Variants in TRA2B observed in about 807,000 individuals in gnomAD.
TRA2B encodes transformer 2 beta homolog, also known as transformer-2 protein homolog beta.
Under a neutral mutation model 41.7 loss-of-function variants are expected in TRA2B, and 14 were observed. The observed-to-expected ratio is 0.34, with a 90% confidence interval of 0.22 to 0.53. The LOEUF (loss-of-function observed/expected upper bound fraction) is 0.53. Among genes scored for constraint, TRA2B ranks in the 20% least tolerant of loss-of-function variants. TRA2B has a pLI of 0.95. For missense variants in TRA2B, 167 were observed against 396.8 expected, an observed-to-expected ratio of 0.42 and a Z score of 4.92; for synonymous variants, 130 against 128.8, an observed-to-expected ratio of 1.01 and a Z score of -0.06.
intron 1 of TRA2B, chr3:185,937,531 A>G (rs1744412679): frequency 3.3e-6 from 3 of 920,400 alleles, no homozygotes; most frequent in African/African-American, 3.5e-5. Context: ...CTCCCCCAAC[A>G]CCGCGGGGAC....
Position 185,916,619 on chromosome 3 carries a change from A to G in TRA2B, c.*1096T>C, listed in dbSNP as rs1743509855. Reference sequence around the variant, plus strand: ...GAATACAGAAATTCATCCCCCCCTCAACCCAGCCCAAAATAGCAAAGATAC... The same window carrying G: ...GAATACAGAAATTCATCCCCCCCTCGACCCAGCCCAAAATAGCAAAGATAC... On this transcript the variant is annotated 3_prime_UTR_variant, in exon 9 of 9. Coordinates refer to ENST00000453386, the MANE Select transcript of TRA2B (RefSeq NM_004593.3). 1 of 152,488 alleles carries G rather than the reference A, an allele frequency of 6.6e-6. No homozygotes were observed. The highest frequency in any genetic ancestry group is 2.4e-5 in the African/African-American group (1 of 41,418). The allele number at this position is 152,488 out of a possible 1,614,324, so 9.4% of individuals were successfully genotyped here.
intron 6 of TRA2B, 36 bp from the exon 7 acceptor site, chr3:185,919,532 G>A: frequency 6.4e-7 from 1 of 1,557,298 alleles, no homozygotes; most frequent in Non-Finnish European, 8.7e-7. Context: ...CACGCATTCA[G>A]TTTGTAAGTT....
At position 185,925,459 on chromosome 3, in the gene TRA2B, C is replaced by T; in HGVS notation, c.333+5G>A. On this transcript the variant is annotated splice_donor_5th_base_variant and intron_variant, in intron 3 of 8. Coordinates refer to ENST00000453386, the MANE Select transcript of TRA2B (RefSeq NM_004593.3). ...GACTGCTTCAAAACCAGTTTTTCAT[C>T]TTACCCGATTCCCAACATGACGCCT... 1 of 1,610,362 alleles carries T rather than the reference C, an allele frequency of 6.2e-7. No homozygotes were observed. The highest frequency in any genetic ancestry group is 8.5e-7 in the Non-Finnish European group (1 of 1,178,924).
At chr3:185,918,474 A>G (rs1743589357) in intron 7 of TRA2B, 36 bp from the exon 8 acceptor site, 1 of 1,450,404 alleles carries the variant, frequency 6.9e-7, no homozygotes, top group Non-Finnish European at 9.7e-7. Flanking sequence ...AAGTCTCAAT[A>G]GATCACAATT....
chr3:185,919,560 T>G, intron 6 of TRA2B, 64 bp from the exon 7 acceptor site: 1 of 1,387,702 alleles, frequency 7.2e-7, no homozygotes, highest in Non-Finnish European at 1.0e-6. Flanking sequence ...ATTATGTCAT[T>G]CATTTAGTAA....
intron 7 of TRA2B, among the ~76,000 whole-genome samples, chr3:185,918,893 C>T (rs544461240): frequency 2.0e-5 from 3 of 152,100 alleles, no homozygotes; most frequent in Non-Finnish European, 4.4e-5. Flanking sequence ...GTAATCCCAG[C>T]TACTCGGGAT....
At position 185,919,506 on chromosome 3, in the gene TRA2B, C is replaced by T; in HGVS notation, c.723-10G>A. On this transcript the variant is annotated splice_polypyrimidine_tract_variant and intron_variant, in intron 6 of 8. Coordinates refer to ENST00000453386, the MANE Select transcript of TRA2B (RefSeq NM_004593.3). Reference sequence around the variant, plus strand: ...TCCTCCACCTCCTCCTCTGTGAAGACAGAAAGGCAACACAACACGCATTCA... The same window carrying T: ...TCCTCCACCTCCTCCTCTGTGAAGATAGAAAGGCAACACAACACGCATTCA... 2 of 1,609,222 alleles carry T rather than the reference C, an allele frequency of 1.2e-6. No individual in the cohort carries two copies. The highest frequency in any genetic ancestry group is 1.7e-6 in the Non-Finnish European group (2 of 1,178,560).
At chr3:185,934,326 G>A (rs1744264317) in intron 1 of TRA2B, 1 of 985,150 alleles carries the variant, frequency 1.0e-6, no homozygotes, top group Non-Finnish European at 1.2e-6. Flanking sequence ...GGATTTTATT[G>A]TAGAGAAAGG....
At chr3:185,929,956 T>C (rs964084199) in intron 1 of TRA2B, among the ~76,000 whole-genome samples, 1 of 152,016 alleles carries the variant, frequency 6.6e-6, no homozygotes, top group African/African-American at 2.4e-5. Flanking sequence ...ATTAAGGCAG[T>C]CTTTCACACA....
chr3:185,923,302 C>T (rs1326614943), intron 4 of TRA2B: 1 of 152,332 alleles, frequency 6.6e-6, no homozygotes, highest in Non-Finnish European at 1.5e-5. Flanking sequence ...TCAGTTCTTC[C>T]TCTTCTCTAT....
intron 2 of TRA2B, 125 bp downstream of exon 2, chr3:185,926,476 A>C: frequency 1.6e-6 from 2 of 1,256,502 alleles, no homozygotes; most frequent in Admixed American, 4.7e-5. Context: ...ACTTAAGTTC[A>C]CTTCTAGTAC....
chr3:185,917,932 A>G (rs573823235), intron 8 of TRA2B, among the ~76,000 whole-genome samples: 7 of 152,340 alleles, frequency 4.6e-5, no homozygotes, highest in East Asian at 3.9e-4. Context: ...TGGGAAGTAT[A>G]TAACTCAATC....
At chr3:185,924,203 T>G (rs1334381372) in intron 3 of TRA2B, 5 of 391,104 alleles carry the variant, frequency 1.3e-5, no homozygotes, top group African/African-American at 1.0e-4. Context: ...ACCTTAGAAT[T>G]AAGTAGGTAA....
chr3:185,927,424 A>G (rs1044123305), intron 1 of TRA2B: 1 of 152,214 alleles, frequency 6.6e-6, no homozygotes, highest in Non-Finnish European at 1.5e-5. Flanking sequence ...AAGAGTAGAG[A>G]GGGTGTCAGA....
intron 1 of TRA2B, among the ~76,000 whole-genome samples, chr3:185,933,693 T>A (rs1303383591): frequency 1.3e-5 from 2 of 152,080 alleles, no homozygotes; most frequent in Non-Finnish European, 2.9e-5. Flanking sequence ...GAAGAGTAAA[T>A]GGATAAGTAA....
chr3:185,921,305 A>T (rs1743725805), intron 5 of TRA2B, 118 bp from the exon 6 acceptor site: 1 of 818,830 alleles, frequency 1.2e-6, no homozygotes, highest in Admixed American at 2.0e-5. Flanking sequence ...TCCTGTTAAA[A>T]TTCTCACCTA....
chr3:185,936,110 G>GCATTCTTCA, intron 1 of TRA2B: 2 of 985,354 alleles, frequency 2.0e-6, no homozygotes, highest in Non-Finnish European at 2.4e-6. Context: ...CCATTCTCAA[G>GCATTCTTCA]CATTCTTCAC....
intron 8 of TRA2B, among the ~76,000 whole-genome samples, chr3:185,918,052 A>C (rs1309278660): frequency 6.6e-6 from 1 of 152,014 alleles, no homozygotes; most frequent in East Asian, 1.9e-4. Context: ...TTTCAATTAG[A>C]AACAACAGGA....
intron 1 of TRA2B, chr3:185,929,179 A>G (rs564573440): frequency 2.0e-5 from 3 of 152,336 alleles, no homozygotes; most frequent in South Asian, 2.1e-4. Flanking sequence ...TTTATCAGGG[A>G]TATTTTCTTA....
Sources: gnomAD v4.1 joint callset for allele counts (sites outside exome capture counted in the v4.1 genomes callset) on GRCh38, gnomAD v4.1.1 for gene constraint, MANE v1.5 for transcripts, NCBI Gene and HGNC (gene_info 2026-07-23, HGNC 2026-07-21) for gene names.